C4orf50: variants seen among roughly 807,000 people sequenced by gnomAD.
C4orf50 encodes uncharacterized protein C4orf50.
Under a neutral mutation model 77.2 loss-of-function variants are expected in C4orf50, and 80 were observed. That is an observed-to-expected ratio of 1.04 (90% CI 0.87 to 1.25). C4orf50 has a LOEUF of 1.25. Ranked by LOEUF, C4orf50 falls within the 50% of genes most tolerant of loss-of-function variation. The pLI, the probability that C4orf50 is intolerant of heterozygous loss-of-function variation, is 0.00. For missense variants in C4orf50, 1,257 were observed against 1,152.9 expected (o/e 1.09, Z -1.31); for synonymous variants, 532 against 465.3 (o/e 1.14, Z -1.84).
At chr4:5,968,981 T>G (rs190863386) in intron 31 of C4orf50, among the ~76,000 whole-genome samples, 58 of 152,272 alleles carry the variant, frequency 3.8e-4, no homozygotes, top group South Asian at 1.9e-3. Context: ...CTTTCTCAAG[T>G]TGAGTCCTGC....
intron 7 of C4orf50, among the ~76,000 whole-genome samples, chr4:5,945,739 C>T (rs1361181694): frequency 2.0e-5 from 3 of 152,152 alleles, no homozygotes; most frequent in Non-Finnish European, 2.9e-5. Flanking sequence ...TGAAGGAAAC[C>T]TGCATTTTTC....
At chr4:5,984,933 G>T (rs1720780750) in intron 28 of C4orf50, among the ~76,000 whole-genome samples, 1 of 151,576 alleles carries the variant, frequency 6.6e-6, no homozygotes, top group African/African-American at 2.4e-5. Flanking sequence ...TAGTGAAGCT[G>T]CCAAAACTCA....
Position 5,945,964 on chromosome 4 carries a change from G to A in C4orf50, c.*2474+10937C>T, listed in dbSNP as rs538184559. Among the ~76,000 whole-genome samples the A allele has an allele frequency of 2.1e-4, 32 of 152,278 alleles. No individual in the cohort carries two copies. The East Asian group carries it at 4.3e-3, about 20-fold the overall frequency. On this transcript the variant is annotated intron_variant, in intron 7 of 7. Transcript: ENST00000324058. ...TCCAGCTGGGCTCAGCCAATGGGAG[G>A]CACAAGGAGAAGGCTGGAGAAAGGG... is the stretch of plus-strand genomic sequence containing the variant.
chr4:5,920,919 A>C (rs928362124), intron 7 of C4orf50, among the ~76,000 whole-genome samples: 1 of 152,218 alleles, frequency 6.6e-6, no homozygotes, highest in African/African-American at 2.4e-5. Context: ...TCAGGGCAGA[A>C]TGGCTGAGCC....
At chr4:5,989,876 T>C (rs1721155896) in exon 28 of C4orf50, 1 of 1,444,152 alleles carries the variant, frequency 6.9e-7, no homozygotes, top group African/African-American at 1.4e-5. Flanking sequence ...TCTAGCCCTT[T>C]GTCCTCCAGG....
chr4:5,945,797 G>A (rs754523217), intron 7 of C4orf50, among the ~76,000 whole-genome samples: 14 of 152,254 alleles, frequency 9.2e-5, no homozygotes, highest in Middle Eastern at 3.4e-3. Context: ...ACCCTGGGCC[G>A]GGGCATCTGC....
At chr4:5,939,891 T>G (rs1718189517) in intron 7 of C4orf50, among the ~76,000 whole-genome samples, 1 of 152,212 alleles carries the variant, frequency 6.6e-6, no homozygotes, top group African/African-American at 2.4e-5. Context: ...AACCATGCAG[T>G]GGTTCTGGCC....
At chr4:5,961,820 CT>C (rs76425818) in intron 33 of C4orf50, among the ~76,000 whole-genome samples, 1 of 151,366 alleles carries the variant, frequency 6.6e-6, no homozygotes, top group African/African-American at 2.4e-5. Context: ...CTCTCTTCTC[CT>C]TTTTTTTTGC....
At chr4:5,983,396 A>T (rs1720701968) in intron 28 of C4orf50, among the ~76,000 whole-genome samples, 1 of 152,128 alleles carries the variant, frequency 6.6e-6, no homozygotes, top group South Asian at 2.1e-4. Flanking sequence ...AGCCACGCTG[A>T]CTACTTTCTG....
At chr4:5,973,545 C>T in intron 31 of C4orf50, 114 bp downstream of exon 9, 2 of 892,808 alleles carry the variant, frequency 2.2e-6, no homozygotes, top group South Asian at 1.6e-5. Context: ...TGGGTAGTGT[C>T]CGCGGTGGGA....
intron 31 of C4orf50, among the ~76,000 whole-genome samples, chr4:5,969,257 A>G (rs1009245025): frequency 1.3e-5 from 2 of 151,996 alleles, no homozygotes; most frequent in Non-Finnish European, 2.9e-5. Flanking sequence ...GCAGGAGTTA[A>G]AGAGAAAATA....
chr4:5,916,791 G>A lies in C4orf50; in HGVS notation c.*2475-18603C>T, dbSNP rs934216430. Among the ~76,000 whole-genome samples, 8 of 152,120 alleles carry A rather than the reference G, an allele frequency of 5.3e-5. No individual in the cohort carries two copies. Among genetic ancestry groups the A allele is most frequent in the Non-Finnish European group, 1.0e-4 (7 of 68,032 alleles). ...TTCTGTGAAGAGCACAGAAGGCCTC[G>A]CAGATCTTCTGCTTAGAGGACAGGA... On this transcript the variant is annotated intron_variant, in intron 7 of 7. Coordinates refer to the C4orf50 transcript ENST00000324058. The surrounding 1 kb of genome is among the most constrained non-coding windows in gnomAD (Gnocchi z 4.4).
rs757309263 is a variant in C4orf50, at chr4:5,973,832, C to T, written c.3931G>A (p.Ala1311Thr). 6 of 1,609,686 alleles carry T rather than the reference C, an allele frequency of 3.7e-6. No homozygotes were observed. In the Admixed American group the frequency reaches 8.4e-5, roughly 22 times the overall value. The change falls in exon 31 of 34, where the codon GCT becomes ACT. Residue 1311 changes from alanine (A) to threonine (T), a missense_variant. By Grantham distance (58) the Ala-to-Thr change is moderately conservative (BLOSUM62 0). Transcript: ENST00000531445. ...TCCCGGCACTTCCGGACGAGGGAAGCTATCTTGGCCTGAAAGGGAGGGAGG... is the reference window on the plus strand; with the variant it reads ...TCCCGGCACTTCCGGACGAGGGAAGTTATCTTGGCCTGAAAGGGAGGGAGG...
At chr4:5,978,109 C>G (rs1158473056) in intron 29 of C4orf50, among the ~76,000 whole-genome samples, 1 of 152,142 alleles carries the variant, frequency 6.6e-6, no homozygotes. Context: ...CAGCTCAAAA[C>G]CAATGAGAGA....
At chr4:5,913,050 A>T (rs1043988759) in intron 7 of C4orf50, among the ~76,000 whole-genome samples, 2 of 152,238 alleles carry the variant, frequency 1.3e-5, no homozygotes, top group Admixed American at 6.5e-5. Context: ...TCTCTGGCCA[A>T]CAAGGCCCCA....
chr4:5,985,671 TAAATA>T (rs1332992520), intron 28 of C4orf50, among the ~76,000 whole-genome samples: 4 of 151,354 alleles, frequency 2.6e-5, no homozygotes, highest in East Asian at 1.9e-4. Flanking sequence ...AAATAGTAAA[TAAATA>T]AAATAAATTG....
chr4:5,955,301 C>T (rs560353037), downstream of C4orf50, among the ~76,000 whole-genome samples: 11 of 151,890 alleles, frequency 7.2e-5, no homozygotes, highest in Non-Finnish European at 8.8e-5. This position sits in a 1 kb window ranked among gnomAD's most constrained non-coding sequence, Gnocchi z 5.1. Context: ...ATCACCGAGG[C>T]GGGGAGAGGT....
chr4:5,935,114 C>T (rs1717949286), intron 7 of C4orf50, among the ~76,000 whole-genome samples: 1 of 152,220 alleles, frequency 6.6e-6, no homozygotes, highest in African/African-American at 2.4e-5. Context: ...CTGCAGTTAA[C>T]ATGGCCTTAT....
rs183258363 is a variant in C4orf50 at position 5,908,569 on chromosome 4, G to A, written c.*2475-10381C>T. On this transcript the variant is annotated intron_variant, in intron 7 of 7. Coordinates refer to the C4orf50 transcript ENST00000324058. The surrounding 1 kb of genome is among the most constrained non-coding windows in gnomAD (Gnocchi z 5.6). The stretch of plus-strand genomic sequence containing the variant: ...CCAAGCAGGGAGACGACCATGCGAT[G>A]GGGAGGGGGGAAAGCCCTGGGGTAT... Among the ~76,000 whole-genome samples the A allele has an allele frequency of 7.0e-4, 107 of 152,194 alleles. 1 individual carries two copies. Among genetic ancestry groups the A allele is most frequent in the African/African-American group, 2.6e-3 (106 of 41,534 alleles).
Sources: gnomAD v4.1 joint callset for allele counts (sites outside exome capture counted in the v4.1 genomes callset) on GRCh38, gnomAD v4.1.1 for gene constraint, Gnocchi (gnomAD v3.1) non-coding constraint, MANE v1.5 for transcripts, NCBI Gene and HGNC (gene_info 2026-07-23, HGNC 2026-07-21) for gene names.